FAAH2: variants seen among roughly 807,000 people sequenced by gnomAD.
FAAH2 encodes fatty acid amide hydrolase 2.
Under a neutral mutation model 36.9 loss-of-function variants are expected in FAAH2, and 60 were observed. That is an observed-to-expected ratio of 1.63 (90% CI 1.32 to 2.02). The LOEUF is 2.02. Ranked by LOEUF, FAAH2 falls within the 30% of genes most tolerant of loss-of-function variation. The probability of loss-of-function intolerance (pLI) is 0.00; values close to 1 mark genes in which losing one functional copy is unlikely to be tolerated. For missense variants in FAAH2, 689 were observed against 397.5 expected (o/e 1.73, Z -6.23); for synonymous variants, 214 against 143.8 (o/e 1.49, Z -3.49).
chrX:57,232,197 G>A, the FAAH2 span, among the ~76,000 whole-genome samples: 8 of 111,903 alleles, frequency 7.1e-5, no homozygotes, highest in African/African-American at 2.6e-4. Context: ...GAATTGAAAG[G>A]GCATGACAAT....
intron 7 of FAAH2, among the ~76,000 whole-genome samples, chrX:57,414,308 C>G (rs1016397579): frequency 8.9e-6 from 1 of 111,851 alleles, no homozygotes; most frequent in Non-Finnish European, 1.9e-5. Context: ...ATAAATGCTT[C>G]CAGCTTTTGC....
At chrX:57,208,363 T>C in the FAAH2 span, among the ~76,000 whole-genome samples, 12 of 112,198 alleles carry the variant, frequency 1.1e-4, no homozygotes, top group Admixed American at 1.0e-3. Flanking sequence ...GGTTCCAAGG[T>C]GGAATGAACC....
the FAAH2 span, among the ~76,000 whole-genome samples, chrX:57,276,230 A>G: frequency 1.8e-5 from 2 of 112,310 alleles, no homozygotes; most frequent in Non-Finnish European, 3.7e-5. Context: ...TGTCTCTCAG[A>G]CCACAGTGCC....
the FAAH2 span, among the ~76,000 whole-genome samples, chrX:57,142,585 T>G: frequency 8.9e-6 from 1 of 112,015 alleles, no homozygotes; most frequent in East Asian, 2.8e-4. Context: ...TCTGCTCCTT[T>G]TGGGTGAAAT....
intron 7 of FAAH2, among the ~76,000 whole-genome samples, chrX:57,417,908 T>G (rs987628731): frequency 8.9e-6 from 1 of 112,050 alleles, no homozygotes; most frequent in Non-Finnish European, 1.9e-5. Context: ...GCTGTTGCCT[T>G]TCTTTCAGAG....
chrX:57,453,316 G>A (rs191867679), intron 10 of FAAH2, among the ~76,000 whole-genome samples: 1 of 112,443 alleles, frequency 8.9e-6, no homozygotes, highest in Non-Finnish European at 1.9e-5. Flanking sequence ...AAATTTATGA[G>A]GCATACAAGT....
At chrX:57,294,672 C>T (rs2052080641) in intron 2 of FAAH2, among the ~76,000 whole-genome samples, 1 of 111,947 alleles carries the variant, frequency 8.9e-6, no homozygotes, top group East Asian at 2.8e-4. Flanking sequence ...CATAACTTTG[C>T]ACATGTTATT....
At chrX:57,400,231 C>T (rs752279643) in intron 7 of FAAH2, among the ~76,000 whole-genome samples, 25 of 111,939 alleles carry the variant, frequency 2.2e-4, no homozygotes, top group Non-Finnish European at 3.2e-4. Flanking sequence ...ATTCACATCA[C>T]GAGATGTCCA....
chrX:57,208,501 C>A, the FAAH2 span, among the ~76,000 whole-genome samples: 1 of 111,863 alleles, frequency 8.9e-6, no homozygotes, highest in Admixed American at 9.5e-5. Context: ...ATCGCTCTGG[C>A]AACCCTTCAA....
chrX:57,443,496 G>T (rs2056608263), intron 8 of FAAH2, among the ~76,000 whole-genome samples: 1 of 111,866 alleles, frequency 8.9e-6, no homozygotes, highest in South Asian at 3.7e-4. Flanking sequence ...TGTTATTCTA[G>T]TTTACCATTC....
At chrX:57,168,199 C>A in the FAAH2 span, among the ~76,000 whole-genome samples, 2 of 110,823 alleles carry the variant, frequency 1.8e-5, no homozygotes, top group Admixed American at 9.6e-5. Flanking sequence ...TTACAAGATG[C>A]TCCAGTCTCA....
At chrX:57,384,906 T>G (rs1405653818) in intron 7 of FAAH2, among the ~76,000 whole-genome samples, 4 of 111,096 alleles carry the variant, frequency 3.6e-5, no homozygotes, top group Non-Finnish European at 3.8e-5. Flanking sequence ...ATAGACTGGA[T>G]TAAGAAAATG....
At chrX:57,162,185 G>A in the FAAH2 span, among the ~76,000 whole-genome samples, 3 of 111,516 alleles carry the variant, frequency 2.7e-5, no homozygotes, top group African/African-American at 9.8e-5. Context: ...GTTGAATATT[G>A]GCCCCCAATC....
At chrX:57,405,021 C>T (rs1199615852) in intron 7 of FAAH2, among the ~76,000 whole-genome samples, 1 of 112,010 alleles carries the variant, frequency 8.9e-6, no homozygotes, top group Non-Finnish European at 1.9e-5. Flanking sequence ...TGTTAGAAAG[C>T]CCTTTCCCAG....
intron 10 of FAAH2, among the ~76,000 whole-genome samples, chrX:57,472,230 A>G (rs2057182467): frequency 8.9e-6 from 1 of 112,279 alleles, no homozygotes; most frequent in Non-Finnish European, 1.9e-5. Flanking sequence ...AACAAAAGCC[A>G]CAATTGACAA....
intron 7 of FAAH2, among the ~76,000 whole-genome samples, chrX:57,414,696 G>T (rs753010940): frequency 1.8e-5 from 2 of 111,205 alleles, no homozygotes; most frequent in African/African-American, 6.5e-5. Context: ...TTGTCTTTCT[G>T]CCAGGTTTTG....
At chrX:57,345,314 G>A (rs1489654750) in intron 5 of FAAH2, among the ~76,000 whole-genome samples, 1 of 109,386 alleles carries the variant, frequency 9.1e-6, no homozygotes, top group Non-Finnish European at 1.9e-5. Flanking sequence ...TAATTTCGAA[G>A]CTTGTTATTT....
At chrX:57,190,810 T>A in the FAAH2 span, among the ~76,000 whole-genome samples, 1 of 110,647 alleles carries the variant, frequency 9.0e-6, no homozygotes, top group African/African-American at 3.3e-5. Context: ...TTGGTCTCGC[T>A]GGGAGCTGCA....
chrX:57,126,483 A>C, the FAAH2 span, among the ~76,000 whole-genome samples: 1 of 112,257 alleles, frequency 8.9e-6, no homozygotes, highest in Non-Finnish European at 1.9e-5. Context: ...ACTGCTATGC[A>C]TGAGGCATTT....
Sources: allele counts gnomAD v4.1 joint callset (sites outside exome capture counted in the v4.1 genomes callset), GRCh38; gene constraint gnomAD v4.1.1; transcripts MANE v1.5; gene names NCBI Gene and HGNC (gene_info 2026-07-23, HGNC 2026-07-21).